The following HIVEP3 variants were observed in gnomAD, a reference collection of about 807,000 sequenced individuals.
HIVEP3 encodes transcription factor HIVEP3.
Under a neutral mutation model 152.8 loss-of-function variants are expected in HIVEP3, and 49 were observed. That is an observed-to-expected ratio of 0.32 (90% CI 0.26 to 0.41). The LOEUF is 0.41. HIVEP3 is among the 10% of genes least tolerant of loss of function. HIVEP3 has a pLI of 1.00. For synonymous variants in HIVEP3, 1,269 were observed against 1,289.0 expected, an observed-to-expected ratio of 0.98 and a Z score of 0.33; for missense variants, 2,790 against 3,103.3, an observed-to-expected ratio of 0.90 and a Z score of 2.40.
chr1:41,585,864 T>C lies in HIVEP3; in HGVS notation c.-521-546A>G, dbSNP rs572921119. Among the ~76,000 whole-genome samples the C allele has an allele frequency of 3.3e-5, 5 of 152,114 alleles. No individual in the cohort carries two copies. The East Asian group carries it at 9.6e-4, about 29-fold the overall frequency. ...GCCTGTGGTTTATTCAGGGGTGAGTTTTCCAAGGGGTAGATTATTCTCAGG... is the reference window on the plus strand; with the variant it reads ...GCCTGTGGTTTATTCAGGGGTGAGTCTTCCAAGGGGTAGATTATTCTCAGG... On this transcript the variant is annotated intron_variant, in intron 3 of 8. Coordinates refer to ENST00000372583, the MANE Select transcript of HIVEP3 (RefSeq NM_024503.5).
chr1:41,775,233 A>G (rs1570510684), intron 1 of HIVEP3, among the ~76,000 whole-genome samples: 1 of 152,228 alleles, frequency 6.6e-6, no homozygotes, highest in South Asian at 2.1e-4. Flanking sequence ...CATATTCTGG[A>G]TACAAGACAA....
intron 1 of HIVEP3, among the ~76,000 whole-genome samples, chr1:41,938,881 C>T (rs1055936049): frequency 7.2e-5 from 11 of 152,212 alleles, no homozygotes; most frequent in Non-Finnish European, 1.6e-4. Context: ...CATTGTGGAG[C>T]TTCTCATGAG....
At chr1:41,828,726 C>G (rs956060628) in intron 1 of HIVEP3, among the ~76,000 whole-genome samples, 1 of 152,180 alleles carries the variant, frequency 6.6e-6, no homozygotes, top group Non-Finnish European at 1.5e-5. Flanking sequence ...TGCCCGAGAC[C>G]TTAGGGTGAG....
chr1:41,790,370 T>C (rs564937634), intron 1 of HIVEP3, among the ~76,000 whole-genome samples: 70 of 152,312 alleles, frequency 4.6e-4, no homozygotes, highest in African/African-American at 1.6e-3. Flanking sequence ...CCCTCACCAG[T>C]AGCCAGTGCT....
chr1:41,591,909 G>A (rs1016652791), intron 3 of HIVEP3, among the ~76,000 whole-genome samples: 15 of 152,136 alleles, frequency 9.9e-5, no homozygotes, highest in Non-Finnish European at 4.4e-5. Context: ...GGGCTGGGAA[G>A]TCTTCAAGCC....
intron 5 of HIVEP3, among the ~76,000 whole-genome samples, chr1:41,556,236 G>A (rs146597412): frequency 5.9e-5 from 9 of 152,248 alleles, no homozygotes; most frequent in Admixed American, 3.3e-4. Flanking sequence ...ACCATTTCAC[G>A]CTCCCACCAG....
chr1:41,716,410 C>T (rs1462432098), intron 1 of HIVEP3, among the ~76,000 whole-genome samples: 3 of 152,218 alleles, frequency 2.0e-5, no homozygotes, highest in Admixed American at 2.0e-4. Flanking sequence ...GCTCTCCCCC[C>T]ATCACCACCT....
At chr1:41,801,615 T>C (rs1280281207) in intron 1 of HIVEP3, among the ~76,000 whole-genome samples, 2 of 151,808 alleles carry the variant, frequency 1.3e-5, no homozygotes, top group Non-Finnish European at 2.9e-5. Context: ...CATGGCAGCA[T>C]GCGCCTGTAG....
At chr1:41,755,815 T>G (rs982930235) in intron 1 of HIVEP3, among the ~76,000 whole-genome samples, 2 of 152,208 alleles carry the variant, frequency 1.3e-5, no homozygotes, top group Non-Finnish European at 2.9e-5. Flanking sequence ...TTAAAAATAC[T>G]GACAATACCA....
chr1:41,815,131 T>C (rs890191439), intron 1 of HIVEP3, among the ~76,000 whole-genome samples: 1 of 152,190 alleles, frequency 6.6e-6, no homozygotes, highest in African/African-American at 2.4e-5. Context: ...ACCTGTTACC[T>C]GCTGACTGAA....
intron 1 of HIVEP3, among the ~76,000 whole-genome samples, chr1:42,006,080 G>A (rs115043762): frequency 0.021 from 3,172 of 152,242 alleles, 65 homozygotes; most frequent in Non-Finnish European, 0.025. Context: ...AGAAAAGATC[G>A]TTGGATCATT....
intron 6 of HIVEP3, 79 bp downstream of exon 6, chr1:41,524,656 C>A: frequency 7.3e-7 from 1 of 1,372,708 alleles, no homozygotes. Flanking sequence ...GGTCTGGGCA[C>A]CTGAACTCTG....
chr1:41,552,380 A>C (rs1643903711), intron 5 of HIVEP3, among the ~76,000 whole-genome samples: 1 of 111,004 alleles, frequency 9.0e-6, no homozygotes, highest in East Asian at 3.3e-4. Flanking sequence ...CCCCCACCCC[A>C]CAACAGTCCC....
In HIVEP3 at chr1:41,511,063, C is replaced by A. The variant is rs1361426287; in HGVS notation, c.6609G>T (p.Val2203=). Residue 2203 remains valine (V), a synonymous_variant, in exon 9 of 9, where the codon GTG becomes GTT. Coordinates refer to ENST00000372583, the MANE Select transcript of HIVEP3 (RefSeq NM_024503.5). This position sits in a 1 kb window ranked among gnomAD's most constrained non-coding sequence, Gnocchi z 4.9. ...PLIPIGGIQM[V]QARPGAHPTL... ...TGGGGTGGGCTCCTGGCCGGGCCTG[C>A]ACCATCTGGATCCCACCGATGGGAA... 1 of 1,614,092 alleles carries A rather than the reference C, an allele frequency of 6.2e-7. No individual in the cohort carries two copies. Among genetic ancestry groups the A allele is most frequent in the Non-Finnish European group, 8.5e-7 (1 of 1,180,014 alleles).
chr1:41,702,486 G>C (rs910352969), intron 1 of HIVEP3, among the ~76,000 whole-genome samples: 112 of 152,256 alleles, frequency 7.4e-4, no homozygotes, highest in African/African-American at 2.5e-3. Flanking sequence ...TTGTTTCCCT[G>C]TATGTAAAAT....
intron 1 of HIVEP3, among the ~76,000 whole-genome samples, chr1:41,879,350 G>T (rs893788644): frequency 6.6e-6 from 1 of 152,210 alleles, no homozygotes; most frequent in Non-Finnish European, 1.5e-5. Flanking sequence ...CAGATCTCAA[G>T]TGAGATGCTC....
At chr1:41,630,413 C>G (rs1454017449) in intron 2 of HIVEP3, among the ~76,000 whole-genome samples, 1 of 152,126 alleles carries the variant, frequency 6.6e-6, no homozygotes, top group Non-Finnish European at 1.5e-5. Flanking sequence ...TACCCCAAAT[C>G]TAATAGAAAA....
In HIVEP3 at chr1:41,637,088, A is replaced by G. The variant is rs140789234; in HGVS notation, c.-720-8141T>C. On this transcript the variant is annotated intron_variant, in intron 2 of 8. Coordinates refer to ENST00000372583, the MANE Select transcript of HIVEP3 (RefSeq NM_024503.5). ...TACTTCTCAAATACTGCTAGTAGGTATAGATGAGGAGAATCTTTTAACCGT... is the reference window on the plus strand; with the variant it reads ...TACTTCTCAAATACTGCTAGTAGGTGTAGATGAGGAGAATCTTTTAACCGT... Among the ~76,000 whole-genome samples, 131 of 152,338 alleles carry G rather than the reference A, an allele frequency of 8.6e-4. 1 individual carries two copies. Among genetic ancestry groups the G allele is most frequent in the African/African-American group, 3.1e-3 (127 of 41,576 alleles).
chr1:41,826,609 G>A (rs1024064046), intron 1 of HIVEP3, among the ~76,000 whole-genome samples: 1 of 152,208 alleles, frequency 6.6e-6, no homozygotes, highest in African/African-American at 2.4e-5. Context: ...AGGAATCCCA[G>A]GCTGTGAGCA....
Sources: allele counts gnomAD v4.1 joint callset (sites outside exome capture counted in the v4.1 genomes callset), GRCh38; gene constraint gnomAD v4.1.1; non-coding constraint Gnocchi (gnomAD v3.1); transcripts MANE v1.5; gene names NCBI Gene and HGNC (gene_info 2026-07-23, HGNC 2026-07-21).